Variants in CCDC106 observed in about 807,000 individuals in gnomAD.
The protein encoded by CCDC106 is coiled-coil domain-containing protein 106.
In CCDC106, 17 loss-of-function variants were observed where a neutral mutation model predicts 24.7. The ratio of observed to expected loss-of-function variants is 0.69; its 90% CI spans 0.47 to 1.03. The LOEUF is 1.03. Among genes scored for constraint, CCDC106 ranks in the 50% least tolerant of loss-of-function variants. The pLI is 0.00. For synonymous variants in CCDC106, 211 were observed against 161.3 expected, an observed-to-expected ratio of 1.31 and a Z score of -2.34; for missense variants, 337 against 388.9, an observed-to-expected ratio of 0.87 and a Z score of 1.12.
In CCDC106 at chr19:55,653,009, C is replaced by T. The variant is rs578232683; in HGVS notation, c.*263C>T. The T allele has an allele frequency of 1.8e-5, 9 of 492,330 alleles. No individual in the cohort carries two copies. The highest frequency in any genetic ancestry group is 3.7e-5 in the Admixed American group (1 of 27,372). 30.5% of individuals were successfully genotyped at this position (492,330 alleles called of 1,614,324 possible). A position where few individuals can be genotyped will look rare whatever the true frequency, so the allele number is the denominator to read the frequency against. ...AAAACCAGGCAGGCGGGTGCCCCCC[C>T]CTCGAGTGGGGGACTGTACAGACCC... On this transcript the variant is annotated 3_prime_UTR_variant, in exon 5 of 5. Coordinates refer to ENST00000586790, the MANE Select transcript of CCDC106 (RefSeq NM_001370470.1).
intron 3 of CCDC106, 39 bp from the exon 4 acceptor site, chr19:55,651,244 C>G: frequency 6.8e-7 from 1 of 1,480,732 alleles, no homozygotes. Context: ...GATGGGATGT[C>G]TGGTCCCTTG....
chr19:55,649,468 A>G lies in CCDC106; in HGVS notation c.197A>G (p.His66Arg). The change falls in exon 3 of 5, where the codon CAC (histidine) becomes CGC (arginine). Residue 66 changes from histidine (H) to arginine (R), a missense_variant. By Grantham distance (29) the His-to-Arg change is conservative (BLOSUM62 0). Coordinates refer to ENST00000586790, the MANE Select transcript of CCDC106 (RefSeq NM_001370470.1). ...ALMNSVKTQLHMALERNSWLQ... is the reference protein window; with the variant it reads ...ALMNSVKTQLRMALERNSWLQ... ...ATGAACAGCGTCAAGACCCAGCTGC[A>G]CATGGCTCTGGAGAGGAACTCCTGG... 6.2e-7 allele frequency: 1 copy of G among 1,614,106 alleles called. No individual in the cohort carries two copies. Among genetic ancestry groups the G allele is most frequent in the South Asian group, 1.1e-5 (1 of 91,076 alleles).
In CCDC106 at chr19:55,652,599, G is replaced by C; in HGVS notation, c.696G>C (p.Glu232Asp). Reference sequence around the variant, plus strand: ...TTGTGGCCCCCGAGAAGCTGGCCGAGGTGGGCGAGTTCGACCCCTCCAAGG... The same window carrying C: ...TTGTGGCCCCCGAGAAGCTGGCCGACGTGGGCGAGTTCGACCCCTCCAAGG... ...LLIVAPEKLA[E>D]VGEFDPSKER... Residue 232 changes from glutamate (E) to aspartate (D), a missense_variant, in exon 5 of 5, where the codon GAG becomes GAC. This residue lies in a region of CCDC106 where 103 missense variants were observed against 152.4 expected (regional missense o/e 0.68). Transcript: ENST00000586790. This position sits in a 1 kb window ranked among gnomAD's most constrained non-coding sequence, Gnocchi z 5.9. 4 of 1,613,266 alleles carry C rather than the reference G, an allele frequency of 2.5e-6. No individual in the cohort carries two copies. Among genetic ancestry groups the C allele is most frequent in the Non-Finnish European group, 3.4e-6 (4 of 1,179,910 alleles).
Position 55,652,298 on chromosome 19 carries a change from G to C in CCDC106, c.527-132G>C, listed in dbSNP as rs1400455301. 2 of 713,742 alleles carry C rather than the reference G, an allele frequency of 2.8e-6. No individual in the cohort carries two copies. The highest frequency in any genetic ancestry group is 4.7e-6 in the Non-Finnish European group (2 of 429,006). The allele number at this position is 713,742 out of a possible 1,614,324, so 44.2% of individuals were successfully genotyped here. A position where few individuals can be genotyped will look rare whatever the true frequency, so the allele number is the denominator to read the frequency against. ...GCCCCTTCCTTGCCTGTTGTTCTCC[G>C]TCTCCACCTGCACCGGCCCGTGCCT... On this transcript the variant is annotated intron_variant, in intron 4 of 4. Coordinates refer to ENST00000586790, the MANE Select transcript of CCDC106 (RefSeq NM_001370470.1). This position sits in a 1 kb window ranked among gnomAD's most constrained non-coding sequence, Gnocchi z 5.9.
At chr19:55,650,043 C>T (rs2123649259) in intron 3 of CCDC106, among the ~76,000 whole-genome samples, 1 of 152,184 alleles carries the variant, frequency 6.6e-6, no homozygotes, top group Non-Finnish European at 1.5e-5. Flanking sequence ...AGCCATCCGG[C>T]CTCCTCCTGT....
chr19:55,650,374 C>T (rs1222510869), intron 3 of CCDC106, among the ~76,000 whole-genome samples: 1 of 152,160 alleles, frequency 6.6e-6, no homozygotes, highest in Non-Finnish European at 1.5e-5. Context: ...ATTTTGGACC[C>T]CAGCCCCATC....
rs1449865901 is a variant in CCDC106 at position 55,652,461 on chromosome 19, CAAG to C, written c.563_565del (p.Lys188del). Reference sequence around the variant, plus strand: ...ACGCCGACGGGGTCCTCTGCCGGTACAAGAAGATCCTGGGCACCTTCCAGAAGC... The same window carrying C: ...ACGCCGACGGGGTCCTCTGCCGGTACAAGATCCTGGGCACCTTCCAGAAGC... On this transcript the variant is annotated inframe_deletion, in exon 5 of 5. Coordinates refer to ENST00000586790, the MANE Select transcript of CCDC106 (RefSeq NM_001370470.1). This position sits in a 1 kb window ranked among gnomAD's most constrained non-coding sequence, Gnocchi z 5.9. The C allele has an allele frequency of 1.2e-6, 2 of 1,608,356 alleles. No individual in the cohort carries two copies. The highest frequency in any genetic ancestry group is 1.3e-5 in the African/African-American group (1 of 74,682).
At chr19:55,651,250 C>T (rs536663437) in intron 3 of CCDC106, 33 bp from the exon 4 acceptor site, 2 of 1,517,028 alleles carry the variant, frequency 1.3e-6, no homozygotes, top group Non-Finnish European at 1.8e-6. Context: ...ATGTCTGGTC[C>T]CTTGGTTCAT....
In CCDC106 at chr19:55,648,874, C is replaced by G. The variant is rs1009000821; in HGVS notation, c.-173C>G. The G allele has an allele frequency of 2.8e-6, 2 of 716,620 alleles. No individual in the cohort carries two copies. Among genetic ancestry groups the G allele is most frequent in the Non-Finnish European group, 4.9e-6 (2 of 410,728 alleles). The allele number at this position is 716,620 out of a possible 1,614,324, so 44.4% of individuals were successfully genotyped here. A position where few individuals can be genotyped will look rare whatever the true frequency, so the allele number is the denominator to read the frequency against. On this transcript the variant is annotated 5_prime_UTR_variant, in exon 1 of 5. Transcript: ENST00000586790. ...GCGCGTTTTGCCTCAGTCCTGGGGT[C>G]CAGGCTCCCTCCTCCCTCAGACCAG...
Position 55,652,837 on chromosome 19 carries a change from C to T in CCDC106, c.*91C>T. On this transcript the variant is annotated 3_prime_UTR_variant, in exon 5 of 5. Coordinates refer to ENST00000586790, the MANE Select transcript of CCDC106 (RefSeq NM_001370470.1). The surrounding 1 kb of genome is among the most constrained non-coding windows in gnomAD (Gnocchi z 5.9). Reference sequence around the variant, plus strand: ...CCCTCTCCCCGCCGCGCCCCTGCCCCTCCTCCTCGCTCCCTGGGTTGGGGG... The same window carrying T: ...CCCTCTCCCCGCCGCGCCCCTGCCCTTCCTCCTCGCTCCCTGGGTTGGGGG... The T allele has an allele frequency of 9.1e-7, 1 of 1,103,258 alleles. No individual in the cohort carries two copies. Among genetic ancestry groups the T allele is most frequent in the Non-Finnish European group, 1.3e-6 (1 of 780,664 alleles). 68.3% of individuals were successfully genotyped at this position (1,103,258 alleles called of 1,614,324 possible).
rs1248782975 is a variant in CCDC106, at chr19:55,649,645, C to A, written c.313+61C>A. On this transcript the variant is annotated intron_variant, in intron 3 of 4. Transcript: ENST00000586790. ...GTCCCGCTACTGGGTACCCGCTCAC[C>A]CAGACTCAAGGCTCCACTGTTTGGC... 42 of 1,504,068 alleles carry A rather than the reference C, an allele frequency of 2.8e-5. No homozygotes were observed. The East Asian group carries it at 9.0e-4, about 32-fold the overall frequency. The allele number at this position is 1,504,068 out of a possible 1,614,324, so 93.2% of individuals were successfully genotyped here. A position where few individuals can be genotyped will look rare whatever the true frequency, so the allele number is the denominator to read the frequency against.
At position 55,649,739 on chromosome 19, in the gene CCDC106, A is replaced by C. The variant is rs1319566317; in HGVS notation, c.313+155A>C. 3 of 657,060 alleles carry C rather than the reference A, an allele frequency of 4.6e-6. No individual in the cohort carries two copies. The East Asian group carries it at 8.2e-5, about 18-fold the overall frequency. The allele number at this position is 657,060 out of a possible 1,614,324, so 40.7% of individuals were successfully genotyped here. The stretch of plus-strand genomic sequence containing the variant: ...CTGCCTGTTTTGGGCCCCCAGGCCC[A>C]GCTGCCTCCTCACTTGATTCCAGGG... On this transcript the variant is annotated intron_variant, in intron 3 of 4. Coordinates refer to ENST00000586790, the MANE Select transcript of CCDC106 (RefSeq NM_001370470.1).
In CCDC106 at chr19:55,649,266, A is replaced by C. The variant is rs763698016; in HGVS notation, c.93A>C (p.Pro31=). The C allele has an allele frequency of 6.2e-6, 10 of 1,614,058 alleles. No individual in the cohort carries two copies. The East Asian group carries it at 2.0e-4, about 32-fold the overall frequency. ...IPFDEAPHLD[P]QIFYSLSPSR... ...TCGATGAGGCACCCCACCTAGACCC[A>C]CAGATCTTTTACAGTCTGAGCCCCT... is the stretch of plus-strand genomic sequence containing the variant. The change falls in exon 2 of 5, where the codon CCA becomes CCC. Residue 31 remains proline, a synonymous_variant. Coordinates refer to ENST00000586790, the MANE Select transcript of CCDC106 (RefSeq NM_001370470.1).
intron 4 of CCDC106, among the ~76,000 whole-genome samples, chr19:55,651,848 AG>A (rs1410103674): frequency 6.6e-6 from 1 of 151,976 alleles, no homozygotes; most frequent in Non-Finnish European, 1.5e-5. Context: ...TTTTTAGTAG[AG>A]GCCAGGGTTT....
At chr19:55,647,634 C>T (rs1351178491), upstream of CCDC106, among the ~76,000 whole-genome samples, 1 of 152,132 alleles carries the variant, frequency 6.6e-6, no homozygotes, top group African/African-American at 2.4e-5. Flanking sequence ...TAGCTTTGCT[C>T]CAAAGCCAGC....
chr19:55,650,002 C>T (rs12461837), intron 3 of CCDC106, among the ~76,000 whole-genome samples: 1,607 of 152,288 alleles, frequency 0.011, 105 homozygotes, highest in Admixed American at 0.086. Flanking sequence ...CTCCTCCTCC[C>T]GTCCCTGTCT....
In CCDC106 at chr19:55,652,597, G is replaced by C; in HGVS notation, c.694G>C (p.Glu232Gln). 1.9e-6 allele frequency: 3 copies of C among 1,613,214 alleles called. No homozygotes were observed. Among genetic ancestry groups the C allele is most frequent in the Non-Finnish European group, 2.5e-6 (3 of 1,179,910 alleles). The change falls in exon 5 of 5, where the codon GAG (glutamate) becomes CAG (glutamine). Residue 232 changes from glutamate (E) to glutamine (Q), a missense_variant. This residue lies in a region of CCDC106 where 103 missense variants were observed against 152.4 expected (regional missense o/e 0.68). Transcript: ENST00000586790. This position sits in a 1 kb window ranked among gnomAD's most constrained non-coding sequence, Gnocchi z 5.9. Reference sequence around the variant, plus strand: ...CATTGTGGCCCCCGAGAAGCTGGCCGAGGTGGGCGAGTTCGACCCCTCCAA... The same window carrying C: ...CATTGTGGCCCCCGAGAAGCTGGCCCAGGTGGGCGAGTTCGACCCCTCCAA... ...LLIVAPEKLA[E>Q]VGEFDPSKER...
chr19:55,649,614 C>G (rs1983106800), intron 3 of CCDC106, 30 bp downstream of exon 3: 1 of 1,597,486 alleles, frequency 6.3e-7, no homozygotes, highest in African/African-American at 1.3e-5. Flanking sequence ...ATCCACATGC[C>G]TCCCTGTCCC....
In CCDC106 at chr19:55,649,490, C is replaced by G; in HGVS notation, c.219C>G (p.Ser73=). ...TQLHMALERN[S]WLQKRIEDLE... ...TGCACATGGCTCTGGAGAGGAACTCCTGGCTGCAGAAGCGCATCGAGGACC... is the reference window on the plus strand; with the variant it reads ...TGCACATGGCTCTGGAGAGGAACTCGTGGCTGCAGAAGCGCATCGAGGACC... Residue 73 remains serine, a synonymous_variant, in exon 3 of 5, where the codon TCC becomes TCG. Coordinates refer to ENST00000586790, the MANE Select transcript of CCDC106 (RefSeq NM_001370470.1). 1 of 1,614,150 alleles carries G rather than the reference C, an allele frequency of 6.2e-7. No homozygotes were observed. The highest frequency in any genetic ancestry group is 8.5e-7 in the Non-Finnish European group (1 of 1,180,008).
Sources: gnomAD v4.1 joint callset for allele counts (sites outside exome capture counted in the v4.1 genomes callset) on GRCh38, gnomAD v4.1.1 for gene constraint, gnomAD v4.1.1 regional missense constraint, Gnocchi (gnomAD v3.1) non-coding constraint, MANE v1.5 for transcripts, NCBI Gene and HGNC (gene_info 2026-07-23, HGNC 2026-07-21) for gene names.